PTAR1: variants seen among roughly 807,000 people sequenced by gnomAD.
The protein encoded by PTAR1 is protein prenyltransferase alpha subunit repeat containing 1, also known as protein prenyltransferase alpha subunit repeat-containing protein 1.
A neutral mutation model predicts 45.5 loss-of-function variants in PTAR1; 17 were observed. The ratio of observed to expected loss-of-function variants is 0.37; its 90% CI spans 0.26 to 0.56. The LOEUF (loss-of-function observed/expected upper bound fraction) is 0.56, where lower values mean the gene tolerates loss of function less well. Among genes scored for constraint, PTAR1 ranks in the 20% least tolerant of loss-of-function variants. The pLI, the probability that PTAR1 is intolerant of heterozygous loss-of-function variation, is 0.77. For missense variants in PTAR1, 391 were observed against 476.3 expected, an observed-to-expected ratio of 0.82 and a Z score of 1.67; for synonymous variants, 169 against 171.3, an observed-to-expected ratio of 0.99 and a Z score of 0.11.
intron 5 of PTAR1, among the ~76,000 whole-genome samples, chr9:69,729,562 T>C (rs1825441280): frequency 6.6e-6 from 1 of 152,198 alleles, no homozygotes; most frequent in Admixed American, 6.5e-5. Flanking sequence ...TATTGAGCAC[T>C]TAATTAAGGC....
At chr9:69,725,252 T>C (rs1431151486) in intron 5 of PTAR1, among the ~76,000 whole-genome samples, 1 of 152,158 alleles carries the variant, frequency 6.6e-6, no homozygotes, top group Non-Finnish European at 1.5e-5. Flanking sequence ...ATGTATAAAA[T>C]TGCAGTTTAT....
At chr9:69,759,012 CT>C (rs1826944540) in intron 1 of PTAR1, among the ~76,000 whole-genome samples, 2 of 150,450 alleles carry the variant, frequency 1.3e-5, no homozygotes, top group South Asian at 4.2e-4. Context: ...GTAGATCTCT[CT>C]CTCTCTCTCA....
In PTAR1 at chr9:69,726,961, CTTTT is replaced by C. The variant is rs200196199; in HGVS notation, c.643-3335_643-3332del. On this transcript the variant is annotated intron_variant, in intron 5 of 7. Transcript: ENST00000340434. Reference sequence around the variant, plus strand: ...TAAAGATTGGGAGTCAAGTAAAATTCTTTTTTTTCTTTTCTCCCTCAGGTCTATT... The same window carrying C: ...TAAAGATTGGGAGTCAAGTAAAATTCTTTTCTTTTCTCCCTCAGGTCTATT... Among the ~76,000 whole-genome samples, 188 of 140,534 alleles carry C rather than the reference CTTTT, an allele frequency of 1.3e-3. 4 individuals are homozygous for C. The East Asian group carries it at 0.034, about 25-fold the overall frequency. The allele number at this position is 140,534 out of a possible 152,430, so 92.2% of individuals were successfully genotyped here.
At chr9:69,720,978 C>T (rs1343968688) in intron 6 of PTAR1, among the ~76,000 whole-genome samples, 2 of 152,164 alleles carry the variant, frequency 1.3e-5, no homozygotes, top group Non-Finnish European at 2.9e-5. Context: ...TTCATGACTG[C>T]TAACACAGCA....
At chr9:69,748,697 G>A (rs1231180860) in intron 2 of PTAR1, among the ~76,000 whole-genome samples, 1 of 152,080 alleles carries the variant, frequency 6.6e-6, no homozygotes, top group African/African-American at 2.4e-5. Context: ...TTTTAAAGGT[G>A]TAGCATTTTC....
chr9:69,741,072 T>C (rs1413698528), intron 3 of PTAR1, among the ~76,000 whole-genome samples: 1 of 152,156 alleles, frequency 6.6e-6, no homozygotes, highest in Non-Finnish European at 1.5e-5. Flanking sequence ...TGTGCAACCC[T>C]AGAAAATAGA....
chr9:69,731,417 T>C (rs1405595259), intron 5 of PTAR1, among the ~76,000 whole-genome samples: 1 of 152,080 alleles, frequency 6.6e-6, no homozygotes, highest in Non-Finnish European at 1.5e-5. Context: ...TGAGACACCG[T>C]AGTATATAAG....
chr9:69,758,037 G>C (rs949900075), intron 1 of PTAR1: 5 of 152,060 alleles, frequency 3.3e-5, no homozygotes, highest in Admixed American at 2.0e-4. Context: ...AATCTCGAAT[G>C]ACCCAAATCC....
chr9:69,740,482 C>A (rs183181294), intron 3 of PTAR1, among the ~76,000 whole-genome samples: 5 of 151,982 alleles, frequency 3.3e-5, no homozygotes, highest in African/African-American at 1.2e-4. Flanking sequence ...TGTTGAAGGA[C>A]TTTTGAATTC....
intron 2 of PTAR1, among the ~76,000 whole-genome samples, chr9:69,745,634 G>C (rs1359813933): frequency 1.3e-5 from 2 of 152,172 alleles, no homozygotes; most frequent in African/African-American, 4.8e-5. Context: ...TCCTCTACTG[G>C]CAGGTCTCTC....
chr9:69,732,269 T>C lies in PTAR1; in HGVS notation c.512A>G (p.Glu171Gly), dbSNP rs1825574914. 2.5e-6 allele frequency: 4 copies of C among 1,613,884 alleles called. No individual in the cohort carries two copies. Among genetic ancestry groups the C allele is most frequent in the Non-Finnish European group, 3.4e-6 (4 of 1,179,804 alleles). The change falls in exon 5 of 8, where the codon GAA becomes GGA. Residue 171 changes from glutamate (E) to glycine (G), a missense_variant. Glu to Gly is a moderately conservative substitution (Grantham distance 98, BLOSUM62 -2). Transcript: ENST00000340434. ...TTCTTGTATGAGTCGCTGTGCCCTT[T>C]CTGTGGGAATTGTTCCCAAGTTTCC... Reference protein sequence around the residue: ...TKGNLGTIPTERAQRLIQEEM... With the variant: ...TKGNLGTIPTGRAQRLIQEEM...
chr9:69,752,584 T>C (rs1369329242), intron 1 of PTAR1, among the ~76,000 whole-genome samples: 1 of 152,098 alleles, frequency 6.6e-6, no homozygotes, highest in Admixed American at 6.6e-5. Context: ...ATAAGTTTTC[T>C]GATTAACTAC....
At chr9:69,745,364 T>C in intron 2 of PTAR1, among the ~76,000 whole-genome samples, 1 of 152,240 alleles carries the variant, frequency 6.6e-6, no homozygotes, top group East Asian at 1.9e-4. Context: ...TTATTCTACC[T>C]AGGTAAATTA....
intron 3 of PTAR1, among the ~76,000 whole-genome samples, chr9:69,735,266 G>A (rs1825733626): frequency 6.6e-6 from 1 of 152,132 alleles, no homozygotes; most frequent in African/African-American, 2.4e-5. Flanking sequence ...GACCTCCCAA[G>A]GATACCAAAA....
In PTAR1 at chr9:69,759,855, G is replaced by C; in HGVS notation, c.84C>G (p.His28Gln). Residue 28 changes from histidine to glutamine, a missense_variant and splice_region_variant, in exon 1 of 8, where the codon CAC (histidine) becomes CAG (glutamine). Transcript: ENST00000340434. Reference sequence around the variant, plus strand: ...GGCGGCGGAGGCGCGCGACTCACATGTGTGGGTTCCTCCTGAAGGCGTTAG... The same window carrying C: ...GGCGGCGGAGGCGCGCGACTCACATCTGTGGGTTCCTCCTGAAGGCGTTAG... ...DITNAFRRNP[H>Q]IDEIGLIPCP... is the part of the protein sequence containing the mutation. 2 of 1,524,654 alleles carry C rather than the reference G, an allele frequency of 1.3e-6. No homozygotes were observed. The highest frequency in any genetic ancestry group is 1.8e-6 in the Non-Finnish European group (2 of 1,135,270). The allele number at this position is 1,524,654 out of a possible 1,614,324, so 94.4% of individuals were successfully genotyped here.
intron 5 of PTAR1, among the ~76,000 whole-genome samples, chr9:69,727,026 TACACACACACAC>T (rs71356128): frequency 2.0e-5 from 3 of 147,104 alleles, no homozygotes; most frequent in African/African-American, 5.1e-5. Context: ...ATTGTGTATA[TACACACACACAC>T]ACACACACAC....
chr9:69,741,525 A>C, intron 3 of PTAR1: 1 of 291,532 alleles, frequency 3.4e-6, no homozygotes, highest in Non-Finnish European at 6.2e-6. Context: ...CTCCCACCCC[A>C]AAAAATGAAG....
intron 2 of PTAR1, 105 bp from the exon 3 acceptor site, chr9:69,741,963 T>TA: frequency 1.4e-6 from 1 of 699,144 alleles, no homozygotes. Flanking sequence ...TATACTAATA[T>TA]ATCTCTCATG....
At chr9:69,723,191 T>G (rs1825110070) in intron 6 of PTAR1, 135 bp downstream of exon 6, 1 of 710,424 alleles carries the variant, frequency 1.4e-6, no homozygotes, top group Non-Finnish European at 2.5e-6. Context: ...ACCTCTTGTA[T>G]TCACTCAGGC....
Sources: allele counts gnomAD v4.1 joint callset (sites outside exome capture counted in the v4.1 genomes callset), GRCh38; gene constraint gnomAD v4.1.1; transcripts MANE v1.5; gene names NCBI Gene and HGNC (gene_info 2026-07-23, HGNC 2026-07-21).